Variants in DHX38 observed in about 807,000 individuals in gnomAD.
The protein encoded by DHX38 is DEAH-box helicase 38.
DHX38 carries 100 observed loss-of-function variants against 153.1 expected under a neutral mutation model. That is an observed-to-expected ratio of 0.65 (90% CI 0.56 to 0.77). DHX38 has a LOEUF of 0.77. Among genes scored for constraint, DHX38 ranks in the 30% least tolerant of loss-of-function variants. The pLI is 0.00. For synonymous variants in DHX38, 650 were observed against 631.7 expected, an observed-to-expected ratio of 1.03 and a Z score of -0.43; for missense variants, 1,440 against 1,654.0, an observed-to-expected ratio of 0.87 and a Z score of 2.24.
At chr16:72,102,148 C>T (rs1372045726) in intron 11 of DHX38, among the ~76,000 whole-genome samples, 4 of 152,226 alleles carry the variant, frequency 2.6e-5, no homozygotes, top group Non-Finnish European at 4.4e-5. Context: ...CTGGACTTAT[C>T]TGTCCCTTAA....
In DHX38 at chr16:72,096,389, T is replaced by A; in HGVS notation, c.232T>A (p.Ser78Thr). 1 of 1,614,154 alleles carries A rather than the reference T, an allele frequency of 6.2e-7. No homozygotes were observed. Among genetic ancestry groups the A allele is most frequent in the Non-Finnish European group, 8.5e-7 (1 of 1,180,040 alleles). Residue 78 changes from serine (S) to threonine (T), a missense_variant, in exon 2 of 27, where the codon TCC becomes ACC. Around this residue, in one of 6 missense-constraint regions of DHX38, gnomAD observed 483 missense variants for 465.1 expected, o/e 1.04. Transcript: ENST00000268482. ...GEDKKKSKVS[S>T]YKDWEESKDD... ...GGACAAGAAGAAGTCCAAAGTCTCCTCCTACAAGGACTGGGAAGAGAGCAA... is the reference window on the plus strand; with the variant it reads ...GGACAAGAAGAAGTCCAAAGTCTCCACCTACAAGGACTGGGAAGAGAGCAA...
intron 1 of DHX38, among the ~76,000 whole-genome samples, chr16:72,095,158 G>GC (rs1391948014): frequency 1.5e-4 from 23 of 152,358 alleles, no homozygotes; most frequent in East Asian, 9.6e-4. Flanking sequence ...AATTATCCAA[G>GC]CATCCAGAAC....
intron 21 of DHX38, 48 bp from the exon 22 acceptor site, chr16:72,108,179 G>T (rs1288840740): frequency 6.2e-7 from 1 of 1,603,528 alleles, no homozygotes; most frequent in Admixed American, 1.7e-5. Context: ...TGCTCAGTGG[G>T]CCTGGACCCC....
rs141807670 is a variant in DHX38, at chr16:72,109,390, C to T, written c.3382-25C>T. 7.6e-5 allele frequency: 123 copies of T among 1,610,010 alleles called. No individual in the cohort carries two copies. The African/African-American group carries it at 1.1e-3, about 14-fold the overall frequency. On this transcript the variant is annotated intron_variant, in intron 24 of 26. Coordinates refer to ENST00000268482, the MANE Select transcript of DHX38 (RefSeq NM_014003.4). Reference sequence around the variant, plus strand: ...GGGACATTGGCCCTCCTGTGACCCTCGCCTCCCTGCCCTTCTGCCCGCAGG... The same window carrying T: ...GGGACATTGGCCCTCCTGTGACCCTTGCCTCCCTGCCCTTCTGCCCGCAGG...
intron 7 of DHX38, 95 bp downstream of exon 7, chr16:72,099,375 C>T: frequency 8.5e-7 from 1 of 1,174,540 alleles, no homozygotes; most frequent in Non-Finnish European, 1.2e-6. Context: ...GAGGGTACAC[C>T]TGAGCCCTGT....
In DHX38 at chr16:72,112,701, G is replaced by A. The variant is rs535084363; in HGVS notation, c.*204G>A. On this transcript the variant is annotated 3_prime_UTR_variant, in exon 27 of 27. Coordinates refer to ENST00000268482, the MANE Select transcript of DHX38 (RefSeq NM_014003.4). ...TGCAGGAGCACGGCATGGCGGGAGCGGGGCTGCAGAGTATCCGAGGTGCTG... is the reference window on the plus strand; with the variant it reads ...TGCAGGAGCACGGCATGGCGGGAGCAGGGCTGCAGAGTATCCGAGGTGCTG... 3.1e-4 allele frequency: 223 copies of A among 716,724 alleles called. No homozygotes were observed. The highest frequency in any genetic ancestry group is 2.3e-4 in the Middle Eastern group (1 of 4,390). The allele number at this position is 716,724 out of a possible 1,614,324, so 44.4% of individuals were successfully genotyped here. A position where few individuals can be genotyped will look rare whatever the true frequency, so the allele number is the denominator to read the frequency against.
rs993510826 is a variant in DHX38, at chr16:72,097,518, G to A, written c.512-159G>A. 7 of 612,450 alleles carry A rather than the reference G, an allele frequency of 1.1e-5. No individual in the cohort carries two copies. In the East Asian group the frequency reaches 2.0e-4, roughly 17 times the overall value. The allele number at this position is 612,450 out of a possible 1,614,324, so 37.9% of individuals were successfully genotyped here. A position where few individuals can be genotyped will look rare whatever the true frequency, so the allele number is the denominator to read the frequency against. On this transcript the variant is annotated intron_variant, in intron 3 of 26. Transcript: ENST00000268482. ...GGCAGTAACTATTTTTCCCCCTTGG[G>A]AGAATGGGGATAGGTGAGTTTCAGG...
Position 72,105,059 on chromosome 16 carries a change from G to A in DHX38, c.2184G>A (p.Val728=). ...TPQEDYVEAA[V]KQSLQVHLSG... ...AGGAGGATTACGTGGAGGCTGCAGT[G>A]AAGCAGTCCTTGCAGGTGCACCTGT... Residue 728 remains valine (V), a synonymous_variant, in exon 16 of 27, where the codon GTG becomes GTA. Transcript: ENST00000268482. The A allele has an allele frequency of 6.2e-7, 1 of 1,614,220 alleles. No individual in the cohort carries two copies.
At chr16:72,105,946 G>A (rs987766574) in intron 18 of DHX38, 59 bp from the exon 19 acceptor site, 22 of 1,522,098 alleles carry the variant, frequency 1.4e-5, no homozygotes, top group Non-Finnish European at 2.0e-5. Context: ...TTTGTCTCAG[G>A]CCTACTTCCA....
At chr16:72,097,065 C>T in intron 3 of DHX38, 56 bp downstream of exon 3, 1 of 1,531,732 alleles carries the variant, frequency 6.5e-7, no homozygotes, top group South Asian at 1.3e-5. Flanking sequence ...AATGTGTCAG[C>T]CTTTTTCTTG....
chr16:72,097,078 G>T, intron 3 of DHX38, 69 bp downstream of exon 3: 1 of 1,516,684 alleles, frequency 6.6e-7, no homozygotes, highest in Non-Finnish European at 8.9e-7. Flanking sequence ...TTTTCTTGTT[G>T]CAGGAGTTTT....
rs770722400 is a variant in DHX38 at position 72,107,562 on chromosome 16, G to T, written c.2809+14G>T. On this transcript the variant is annotated intron_variant, in intron 20 of 26. Transcript: ENST00000268482. The surrounding 1 kb of genome is among the most constrained non-coding windows in gnomAD (Gnocchi z 5.3). The stretch of plus-strand genomic sequence containing the variant: ...TGGACAACACAGGTGAGGCGGCCCC[G>T]GGAGCCTCATGGGTGCTGGCGCTTG... 2.5e-5 allele frequency: 40 copies of T among 1,610,490 alleles called. 1 individual carries two copies. In the South Asian group the frequency reaches 4.4e-4, roughly 18 times the overall value.
Position 72,104,938 on chromosome 16 carries a change from G to C in DHX38, c.2152-89G>C, listed in dbSNP as rs1416723597. The C allele has an allele frequency of 1.9e-5, 25 of 1,309,618 alleles. No homozygotes were observed. Among genetic ancestry groups the C allele is most frequent in the Non-Finnish European group, 2.4e-5 (23 of 945,628 alleles). 81.1% of individuals were successfully genotyped at this position (1,309,618 alleles called of 1,614,324 possible). ...CCTCAAAGTCCATGGCTCCATTCCA[G>C]AGCAGTGCCTGGGCCACTGGGCTCC... On this transcript the variant is annotated intron_variant, in intron 15 of 26. Coordinates refer to ENST00000268482, the MANE Select transcript of DHX38 (RefSeq NM_014003.4). This position sits in a 1 kb window ranked among gnomAD's most constrained non-coding sequence, Gnocchi z 4.5.
intron 26 of DHX38, 140 bp downstream of exon 26, chr16:72,111,217 T>C: frequency 1.5e-6 from 2 of 1,310,002 alleles, no homozygotes; most frequent in Non-Finnish European, 2.0e-6. Context: ...GCTTGTGCAT[T>C]TGGTGGTCAC....
Position 72,108,231 on chromosome 16 carries a change from G to A in DHX38, c.2969G>A (p.Arg990Gln), listed in dbSNP as rs2144172462. 2.5e-6 allele frequency: 4 copies of A among 1,614,074 alleles called. No homozygotes were observed. Among genetic ancestry groups the A allele is most frequent in the South Asian group, 1.1e-5 (1 of 91,074 alleles). The stretch of plus-strand genomic sequence containing the variant: ...AGGTTCTTTTTCCCTTCCTAGGGTC[G>A]AGAGGAGGAGAGTGATCAAATCCGG... ...VPAIFYRPKG[R>Q]EEESDQIREK... The change falls in exon 22 of 27, where the codon CGA becomes CAA. Residue 990 changes from arginine to glutamine, a missense_variant. Transcript: ENST00000268482.
chr16:72,112,289 TC>T, intron 26 of DHX38, 123 bp from the exon 27 acceptor site: 1 of 871,288 alleles, frequency 1.1e-6, no homozygotes, highest in Non-Finnish European at 1.8e-6. Context: ...GGGGAGGAGA[TC>T]CCTCGGCCCA....
In DHX38 at chr16:72,104,466, C is replaced by T. The variant is rs201390238; in HGVS notation, c.2011-20C>T. The T allele has an allele frequency of 7.9e-4, 1,268 of 1,612,196 alleles. No individual in the cohort carries two copies. The highest frequency in any genetic ancestry group is 9.8e-4 in the Non-Finnish European group (1,162 of 1,179,822). ...CAAGGGTCCCCACCATGGGGGCCTCCGAGCCGCCTCTTCTCTCAGGTAGTG... is the reference window on the plus strand; with the variant it reads ...CAAGGGTCCCCACCATGGGGGCCTCTGAGCCGCCTCTTCTCTCAGGTAGTG... On this transcript the variant is annotated intron_variant, in intron 14 of 26. Transcript: ENST00000268482. The surrounding 1 kb of genome is among the most constrained non-coding windows in gnomAD (Gnocchi z 4.5).
chr16:72,105,963 C>T, intron 18 of DHX38, 42 bp from the exon 19 acceptor site: 10 of 1,585,356 alleles, frequency 6.3e-6, no homozygotes, highest in Non-Finnish European at 7.8e-6. Flanking sequence ...TCCACTTTCC[C>T]CTCACTCTGT....
chr16:72,109,331 C>G lies in DHX38; in HGVS notation c.3382-84C>G, dbSNP rs567481703. On this transcript the variant is annotated intron_variant, in intron 24 of 26. Transcript: ENST00000268482. ...TGCAGGGCCAGGGATTGGGCCCTTC[C>G]CATGTGGCTCCTAATTGTGGAACCA... 3.0e-5 allele frequency: 44 copies of G among 1,465,124 alleles called. 1 individual carries two copies. The Admixed American group carries it at 6.1e-4, about 20-fold the overall frequency. The allele number at this position is 1,465,124 out of a possible 1,614,324, so 90.8% of individuals were successfully genotyped here.
Sources: allele counts gnomAD v4.1 joint callset (sites outside exome capture counted in the v4.1 genomes callset), GRCh38; gene constraint gnomAD v4.1.1; regional missense constraint gnomAD v4.1.1; non-coding constraint Gnocchi (gnomAD v3.1); transcripts MANE v1.5; gene names NCBI Gene and HGNC (gene_info 2026-07-23, HGNC 2026-07-21).